Variants in ZBTB49 observed in about 807,000 individuals in gnomAD.
ZBTB49 encodes zinc finger and BTB domain containing 49.
A neutral mutation model predicts 57.5 loss-of-function variants in ZBTB49; 43 were observed. The ratio of observed to expected loss-of-function variants is 0.75; its 90% CI spans 0.59 to 0.97. The LOEUF is 0.97. Ranked by LOEUF, ZBTB49 falls within the 50% of genes least tolerant of loss-of-function variation. The pLI is 0.00. For synonymous variants in ZBTB49, 369 were observed against 362.1 expected (o/e 1.02, Z -0.22); for missense variants, 938 against 947.7 (o/e 0.99, Z 0.13).
intron 2 of ZBTB49, 112 bp downstream of exon 2, chr4:4,300,209 G>T: frequency 1.7e-6 from 2 of 1,205,514 alleles, no homozygotes; most frequent in South Asian, 1.9e-5. Flanking sequence ...ATCTTTTATA[G>T]CACATTGGAT....
rs1720562916 is a variant in ZBTB49, at chr4:4,302,913, A to G, written c.1077A>G (p.Glu359=). Residue 359 remains glutamate (E), a synonymous_variant, in exon 3 of 8, where the codon GAA becomes GAG. Transcript: ENST00000337872. Reference sequence around the variant, plus strand: ...AAAGTGCTGAAGAAAAAGAAAGTGAAGAAGTCGTCAGTTGTGAGAATTTTA... The same window carrying G: ...AAAGTGCTGAAGAAAAAGAAAGTGAGGAAGTCGTCAGTTGTGAGAATTTTA... The part of the protein sequence containing the change: ...SSQSAEEKES[E]EVVSCENFNC... The G allele has an allele frequency of 1.9e-6, 3 of 1,614,108 alleles. No individual in the cohort carries two copies. The highest frequency in any genetic ancestry group is 2.2e-5 in the South Asian group (2 of 91,086).
chr4:4,309,680 C>A (rs971995955), intron 4 of ZBTB49, among the ~76,000 whole-genome samples: 9 of 152,156 alleles, frequency 5.9e-5, no homozygotes, highest in Admixed American at 5.9e-4. Flanking sequence ...TGCAGGATTA[C>A]CCTATAGGAG....
intron 4 of ZBTB49, among the ~76,000 whole-genome samples, chr4:4,308,356 C>T (rs1183626402): frequency 1.3e-5 from 2 of 152,286 alleles, no homozygotes; most frequent in South Asian, 2.1e-4. Flanking sequence ...GGATTACAGG[C>T]GTGAGCCACC....
At chr4:4,313,447 G>T (rs1469709564) in intron 5 of ZBTB49, among the ~76,000 whole-genome samples, 1 of 152,126 alleles carries the variant, frequency 6.6e-6, no homozygotes, top group East Asian at 1.9e-4. Context: ...CCCCAAGGAG[G>T]TGACTGTCTA....
At position 4,302,352 on chromosome 4, in the gene ZBTB49, A is replaced by G. The variant is rs779561400; in HGVS notation, c.516A>G (p.Glu172=). 1.9e-6 allele frequency: 3 copies of G among 1,614,248 alleles called. No homozygotes were observed. The highest frequency in any genetic ancestry group is 3.3e-5 in the Admixed American group (2 of 60,030). The part of the protein sequence containing the change: ...ADAQQNKTLD[E]SHPHASPSVN... The stretch of plus-strand genomic sequence containing the variant: ...CACAGCAGAACAAAACGTTGGATGA[A>G]TCGCATCCGCATGCTTCACCATCAG... The change falls in exon 3 of 8, where the codon GAA becomes GAG. Residue 172 remains glutamate (E), a synonymous_variant. Coordinates refer to ENST00000337872, the MANE Select transcript of ZBTB49 (RefSeq NM_145291.4).
Position 4,302,293 on chromosome 4 carries a change from C to G in ZBTB49, c.457C>G (p.Pro153Ala). ...CACTTGTGTTATCAGTGAAAACTACCCCCCTCATTTACTGCAGGAATGTTC... is the reference window on the plus strand; with the variant it reads ...CACTTGTGTTATCAGTGAAAACTACGCCCCTCATTTACTGCAGGAATGTTC... ...DATCVISENY[P>A]PHLLQECSAD... The change falls in exon 3 of 8, where the codon CCC becomes GCC. Residue 153 changes from proline to alanine, a missense_variant. Physicochemically the swap from Pro to Ala is conservative, Grantham distance 27 (BLOSUM62 -1). Around this residue, in one of 3 missense-constraint regions of ZBTB49, gnomAD observed 835 missense variants for 819.1 expected, o/e 1.02. Coordinates refer to ENST00000337872, the MANE Select transcript of ZBTB49 (RefSeq NM_145291.4). 1 of 1,614,016 alleles carries G rather than the reference C, an allele frequency of 6.2e-7. No individual in the cohort carries two copies. The highest frequency in any genetic ancestry group is 1.3e-5 in the African/African-American group (1 of 75,032).
chr4:4,296,871 C>T (rs1357436102), intron 1 of ZBTB49, among the ~76,000 whole-genome samples: 3 of 151,962 alleles, frequency 2.0e-5, no homozygotes, highest in Admixed American at 2.0e-4. Flanking sequence ...ATGAAAGCTT[C>T]GCTGATGGAA....
At chr4:4,309,657 T>A (rs1034651323) in intron 4 of ZBTB49, among the ~76,000 whole-genome samples, 7 of 151,980 alleles carry the variant, frequency 4.6e-5, no homozygotes, top group African/African-American at 1.7e-4. Flanking sequence ...AGTCCGGGGG[T>A]CCTAGTGCCT....
Position 4,320,806 on chromosome 4 carries a change from G to A in ZBTB49, c.1788G>A (p.Leu596=), listed in dbSNP as rs764104015. The part of the protein sequence containing the change: ...CKAGDESPDV[L]EELSQAIETS... ...CTGGTGACGAGAGCCCAGATGTGCT[G>A]GAGGAGCTCAGCCAAGCCATCGAGA... The change falls in exon 8 of 8, where the codon CTG becomes CTA. Residue 596 remains leucine, a synonymous_variant. Transcript: ENST00000337872. The A allele has an allele frequency of 1.2e-5, 19 of 1,614,036 alleles. No homozygotes were observed. The highest frequency in any genetic ancestry group is 1.1e-4 in the East Asian group (5 of 44,890).
intron 4 of ZBTB49, among the ~76,000 whole-genome samples, chr4:4,307,824 G>A (rs886573362): frequency 6.6e-6 from 1 of 152,142 alleles, no homozygotes. Context: ...ATACTACTTC[G>A]TGGAACTAGT....
intron 5 of ZBTB49, among the ~76,000 whole-genome samples, chr4:4,313,756 G>A (rs1721075364): frequency 6.6e-6 from 1 of 152,232 alleles, no homozygotes; most frequent in Admixed American, 6.5e-5. Flanking sequence ...TGGGCTGTAC[G>A]TCAATCAGGC....
chr4:4,305,572 G>A lies in ZBTB49; in HGVS notation c.1256-566G>A, dbSNP rs1403107873. 2.0e-5 allele frequency among the ~76,000 whole-genome samples: 3 copies of A among 152,176 alleles called. No individual in the cohort carries two copies. In the South Asian group the frequency reaches 6.2e-4, roughly 32 times the overall value. Reference sequence around the variant, plus strand: ...AGTTACTTAGTTATTGAAATTAGAGGTGATAAAGAAGTCCGCAGAGGAGCA... The same window carrying A: ...AGTTACTTAGTTATTGAAATTAGAGATGATAAAGAAGTCCGCAGAGGAGCA... On this transcript the variant is annotated intron_variant, in intron 3 of 7. Transcript: ENST00000337872.
At chr4:4,310,012 C>G (rs567137679) in intron 4 of ZBTB49, among the ~76,000 whole-genome samples, 1 of 152,008 alleles carries the variant, frequency 6.6e-6, no homozygotes. Flanking sequence ...ATTACGATTC[C>G]TGACTTTTTT....
chr4:4,320,803 G>A lies in ZBTB49; in HGVS notation c.1785G>A (p.Val595=). The change falls in exon 8 of 8, where the codon GTG becomes GTA. Residue 595 remains valine (V), a synonymous_variant. Coordinates refer to ENST00000337872, the MANE Select transcript of ZBTB49 (RefSeq NM_145291.4). ...HCKAGDESPD[V]LEELSQAIET... is the part of the protein sequence containing the mutation. ...AAGCTGGTGACGAGAGCCCAGATGT[G>A]CTGGAGGAGCTCAGCCAAGCCATCG... is the stretch of plus-strand genomic sequence containing the variant. 6.2e-7 allele frequency: 1 copy of A among 1,614,194 alleles called. No individual in the cohort carries two copies. The highest frequency in any genetic ancestry group is 8.5e-7 in the Non-Finnish European group (1 of 1,180,030).
intron 5 of ZBTB49, 115 bp from the exon 6 acceptor site, chr4:4,315,521 G>C: frequency 2.0e-6 from 2 of 996,800 alleles, no homozygotes; most frequent in Non-Finnish European, 3.0e-6. Flanking sequence ...TCCAGTTCAC[G>C]TTCCTTTCTG....
chr4:4,294,892 T>TGC (rs1478177802), intron 1 of ZBTB49, among the ~76,000 whole-genome samples: 2 of 151,530 alleles, frequency 1.3e-5, no homozygotes, highest in Admixed American at 1.3e-4. Flanking sequence ...TGTGTGTGTG[T>TGC]GTGTGTGTGT....
intron 3 of ZBTB49, 57 bp downstream of exon 3, chr4:4,303,148 A>G (rs1177877521): frequency 6.1e-6 from 9 of 1,474,182 alleles, no homozygotes; most frequent in Non-Finnish European, 8.1e-6. Context: ...ATGCTCAGAC[A>G]CCACTGGCTC....
intron 7 of ZBTB49, among the ~76,000 whole-genome samples, chr4:4,318,599 C>G (rs556295709): frequency 1.3e-5 from 2 of 152,242 alleles, no homozygotes; most frequent in East Asian, 3.9e-4. Context: ...CAAAGTGAGA[C>G]TCCATCTCAA....
At chr4:4,303,742 C>CTT in intron 3 of ZBTB49, among the ~76,000 whole-genome samples, 1 of 47,486 alleles carries the variant, frequency 2.1e-5, no homozygotes. Context: ...CTCTCTCTCT[C>CTT]TCTCTCTCTC....
Sources: gnomAD v4.1 joint callset for allele counts (sites outside exome capture counted in the v4.1 genomes callset) on GRCh38, gnomAD v4.1.1 for gene constraint, gnomAD v4.1.1 regional missense constraint, MANE v1.5 for transcripts, NCBI Gene and HGNC (gene_info 2026-07-23, HGNC 2026-07-21) for gene names.